LSAMP: variants seen among roughly 807,000 people sequenced by gnomAD.
LSAMP encodes the protein limbic system associated membrane protein, also known as limbic system-associated membrane protein.
A neutral mutation model predicts 38.6 loss-of-function variants in LSAMP; 7 were observed. The observed-to-expected ratio is 0.18, with a 90% CI of 0.10 to 0.34. The LOEUF (loss-of-function observed/expected upper bound fraction) is 0.34. Ranked by LOEUF, LSAMP falls within the 10% of genes least tolerant of loss-of-function variation. The pLI, the probability that LSAMP is intolerant of heterozygous loss-of-function variation, is 1.00. For missense variants in LSAMP, 313 were observed against 420.0 expected (o/e 0.75, Z 2.23); for synonymous variants, 154 against 166.8 (o/e 0.92, Z 0.59).
rs114458497 is a variant in LSAMP at position 115,948,072 on chromosome 3, G to A, written c.514+71443C>T. ...TGAGAGTGTGCAATAAAAATCTGGG[G>A]ACAAAATAGTAAAGTCCAAGAACAT... On this transcript the variant is annotated intron_variant, in intron 3 of 6. Transcript: ENST00000490035. 1.4e-3 allele frequency among the ~76,000 whole-genome samples: 206 copies of A among 152,258 alleles called. 2 individuals carry two copies. The highest frequency in any genetic ancestry group is 3.4e-3 in the Middle Eastern group (1 of 294).
At chr3:116,072,752 G>GTTTTTTTTTTTTT (rs36091421) in intron 2 of LSAMP, among the ~76,000 whole-genome samples, 8 of 112,354 alleles carry the variant, frequency 7.1e-5, no homozygotes, top group African/African-American at 1.0e-4. Flanking sequence ...GTTGTTTGTG[G>GTTTTTTTTTTTTT]TTTTTTTTTT....
rs1427515358 is a variant in LSAMP, at chr3:115,808,153, C to A, written c.*2164G>T. 1 of 90,576 alleles carries A rather than the reference C, an allele frequency of 1.1e-5. No individual in the cohort carries two copies. The highest frequency in any genetic ancestry group is 2.2e-5 in the Non-Finnish European group (1 of 44,876). The allele number at this position is 90,576 out of a possible 1,614,324, so 5.6% of individuals were successfully genotyped here. On this transcript the variant is annotated 3_prime_UTR_variant, in exon 7 of 7. Transcript: ENST00000490035. ...CCCTCCCTCCCTCCCTCCCTCCCCC[C>A]CTTCCCCGTCCCCCCCTCCCTGCCT...
intron 3 of LSAMP, among the ~76,000 whole-genome samples, chr3:115,885,097 AAC>A (rs1187549061): frequency 1.3e-5 from 2 of 152,020 alleles, no homozygotes; most frequent in Non-Finnish European, 2.9e-5. Flanking sequence ...GGAAGGGAAA[AAC>A]ACAAATGAGA....
At chr3:116,240,087 T>C (rs1277786584) in intron 1 of LSAMP, among the ~76,000 whole-genome samples, 3 of 152,152 alleles carry the variant, frequency 2.0e-5, no homozygotes, top group Non-Finnish European at 4.4e-5. Context: ...ACACAAAATA[T>C]TTTCAAATTA....
chr3:115,818,488 C>T (rs533114551), intron 6 of LSAMP, among the ~76,000 whole-genome samples: 2 of 151,978 alleles, frequency 1.3e-5, no homozygotes, highest in African/African-American at 2.4e-5. Context: ...CCTCTCTTTG[C>T]GTCAGTTTCA....
intron 3 of LSAMP, among the ~76,000 whole-genome samples, chr3:115,993,709 AT>A (rs1401761917): frequency 1.1e-4 from 17 of 152,162 alleles, no homozygotes; most frequent in Middle Eastern, 3.4e-3. Flanking sequence ...TTTAAAAAAA[AT>A]TTTTTTAAGT....
At chr3:116,001,190 GA>G (rs938479359) in intron 3 of LSAMP, among the ~76,000 whole-genome samples, 7 of 151,644 alleles carry the variant, frequency 4.6e-5, no homozygotes, top group African/African-American at 9.7e-5. Flanking sequence ...AAAAAGAAAA[GA>G]AAAAAAGGAA....
chr3:116,274,964 A>AAC (rs1376452678), intron 1 of LSAMP, among the ~76,000 whole-genome samples: 1 of 151,684 alleles, frequency 6.6e-6, no homozygotes, highest in East Asian at 1.9e-4. Context: ...CAAAAAAAAA[A>AAC]AAAAACTGCT....
At chr3:116,105,163 A>T (rs1157255180) in intron 1 of LSAMP, among the ~76,000 whole-genome samples, 2 of 144,280 alleles carry the variant, frequency 1.4e-5, no homozygotes, top group East Asian at 3.9e-4. Flanking sequence ...GATATTTTTC[A>T]GTTTGACTAG....
At chr3:116,060,898 C>T (rs1941582804) in intron 2 of LSAMP, among the ~76,000 whole-genome samples, 1 of 151,374 alleles carries the variant, frequency 6.6e-6, no homozygotes, top group Non-Finnish European at 1.5e-5. Context: ...TAAAATACCA[C>T]AATGAGAAAT....
At chr3:116,368,286 A>G (rs2048382756) in intron 1 of LSAMP, 1 of 152,212 alleles carries the variant, frequency 6.6e-6, no homozygotes, top group Non-Finnish European at 1.5e-5. Flanking sequence ...CCTTGCACTC[A>G]TAACTCCAAA....
At chr3:116,372,413 AACTG>A (rs1334684254) in intron 1 of LSAMP, among the ~76,000 whole-genome samples, 8 of 152,006 alleles carry the variant, frequency 5.3e-5, no homozygotes, top group Non-Finnish European at 1.2e-4. Flanking sequence ...TACAAAAATT[AACTG>A]AAAGTGAATA....
At chr3:115,880,790 G>T (rs1321543076) in intron 3 of LSAMP, among the ~76,000 whole-genome samples, 6 of 152,082 alleles carry the variant, frequency 3.9e-5, no homozygotes, top group Non-Finnish European at 8.8e-5. Flanking sequence ...CCAGCACTTT[G>T]GGAGGCTGAG....
chr3:115,943,295 C>T lies in LSAMP; in HGVS notation c.514+76220G>A, dbSNP rs757602364. ...CTCATGTCTCCTGATTTGGCTCTCA[C>T]TTCTTTTCAGAATACTTTATCCAGT... On this transcript the variant is annotated intron_variant, in intron 3 of 6. Transcript: ENST00000490035. Among the ~76,000 whole-genome samples, 6 of 152,130 alleles carry T rather than the reference C, an allele frequency of 3.9e-5. No individual in the cohort carries two copies. In the East Asian group the frequency reaches 9.7e-4, roughly 24 times the overall value.
Position 116,071,873 on chromosome 3 carries a change from G to C in LSAMP, c.388+14451C>G, listed in dbSNP as rs112780994. Among the ~76,000 whole-genome samples the C allele has an allele frequency of 3.9e-3, 588 of 151,828 alleles. 3 individuals are homozygous for C. The highest frequency in any genetic ancestry group is 0.012 in the African/African-American group (484 of 41,452). On this transcript the variant is annotated intron_variant, in intron 2 of 6. Transcript: ENST00000490035. ...TGTATGGTTTTCTGTTACTGCATTA[G>C]TTTGCTGAGGATAACAGCTTCCAGG...
chr3:116,051,972 A>G (rs1389564048), intron 2 of LSAMP, among the ~76,000 whole-genome samples: 2 of 152,222 alleles, frequency 1.3e-5, no homozygotes, highest in African/African-American at 2.4e-5. Flanking sequence ...ATGTTGAGCA[A>G]AGCAAGAAGT....
chr3:115,827,704 C>T (rs1276512488), intron 6 of LSAMP, among the ~76,000 whole-genome samples: 1 of 152,178 alleles, frequency 6.6e-6, no homozygotes, highest in African/African-American at 2.4e-5. Flanking sequence ...GTCTCTTCCC[C>T]ACTGATCTGT....
At chr3:116,314,013 G>T (rs1375552020) in intron 1 of LSAMP, among the ~76,000 whole-genome samples, 2 of 152,190 alleles carry the variant, frequency 1.3e-5, no homozygotes, top group Admixed American at 6.5e-5. Context: ...TCCCACAGCT[G>T]TATAACATAA....
At chr3:116,407,260 A>T (rs2048909060) in intron 1 of LSAMP, among the ~76,000 whole-genome samples, 1 of 151,978 alleles carries the variant, frequency 6.6e-6, no homozygotes, top group Non-Finnish European at 1.5e-5. Flanking sequence ...TCCATCAAAC[A>T]CCTATGTGAA....
Sources: gnomAD v4.1 joint callset for allele counts (sites outside exome capture counted in the v4.1 genomes callset) on GRCh38, gnomAD v4.1.1 for gene constraint, MANE v1.5 for transcripts, NCBI Gene and HGNC (gene_info 2026-07-23, HGNC 2026-07-21) for gene names.